Variants in TTC28 observed in about 807,000 individuals in gnomAD.
TTC28 encodes the protein tetratricopeptide repeat protein 28.
In TTC28, 61 loss-of-function variants were observed where a neutral mutation model predicts 198.0. The observed-to-expected ratio is 0.31, with a 90% confidence interval of 0.25 to 0.38. The LOEUF is 0.38. Ranked by LOEUF, TTC28 falls within the 10% of genes least tolerant of loss-of-function variation. The pLI, the probability that TTC28 is intolerant of heterozygous loss-of-function variation, is 1.00. For synonymous variants in TTC28, 1,171 were observed against 1,297.8 expected (o/e 0.90, Z 2.10); for missense variants, 2,678 against 3,164.0 (o/e 0.85, Z 3.69).
At chr22:28,149,138 T>C (rs1165226001) in intron 6 of TTC28, among the ~76,000 whole-genome samples, 1 of 152,230 alleles carries the variant, frequency 6.6e-6, no homozygotes, top group Non-Finnish European at 1.5e-5. Context: ...CTATTGTTCC[T>C]AGGCTACAAA....
chr22:28,522,010 A>G (rs2048918013), intron 2 of TTC28, among the ~76,000 whole-genome samples: 1 of 152,226 alleles, frequency 6.6e-6, no homozygotes, highest in Non-Finnish European at 1.5e-5. Flanking sequence ...ACTTCTCTAG[A>G]AGATAACACT....
chr22:28,256,266 A>G lies in TTC28; in HGVS notation c.933+39932T>C, dbSNP rs1930910797. Among the ~76,000 whole-genome samples the G allele has an allele frequency of 2.0e-5, 3 of 152,020 alleles. No individual in the cohort carries two copies. The South Asian group carries it at 6.2e-4, about 32-fold the overall frequency. On this transcript the variant is annotated intron_variant, in intron 5 of 22. Transcript: ENST00000397906. ...GCGAAACCCCGTCTCTACTAAAGAT[A>G]CAAAAATTAGCTGGGTGTGGTGGCA...
chr22:28,190,648 C>CG (rs1256904196), intron 5 of TTC28, among the ~76,000 whole-genome samples: 1 of 152,170 alleles, frequency 6.6e-6, no homozygotes, highest in Non-Finnish European at 1.5e-5. Context: ...AATAAAGTAA[C>CG]AACAGATCTG....
intron 2 of TTC28, among the ~76,000 whole-genome samples, chr22:28,414,019 G>C (rs1420936259): frequency 2.0e-5 from 3 of 152,172 alleles, no homozygotes; most frequent in African/African-American, 7.2e-5. Context: ...ATGAAACCTA[G>C]ACACATGTCA....
intron 2 of TTC28, among the ~76,000 whole-genome samples, chr22:28,563,821 C>T (rs888803170): frequency 1.3e-5 from 2 of 152,052 alleles, no homozygotes; most frequent in Non-Finnish European, 2.9e-5. Context: ...AAGTGAAACT[C>T]AAACAAATAC....
intron 2 of TTC28, among the ~76,000 whole-genome samples, chr22:28,448,381 T>C (rs2047732173): frequency 6.6e-6 from 1 of 152,338 alleles, no homozygotes; most frequent in Middle Eastern, 3.4e-3. Context: ...GTATCTGACA[T>C]TGATCAAAGG....
intron 5 of TTC28, among the ~76,000 whole-genome samples, chr22:28,289,903 A>C (rs1452588594): frequency 6.6e-6 from 1 of 152,114 alleles, no homozygotes; most frequent in Non-Finnish European, 1.5e-5. Flanking sequence ...GCGCACCTGT[A>C]ATCCCAGCTA....
intron 12 of TTC28, among the ~76,000 whole-genome samples, chr22:28,061,797 A>G (rs750818655): frequency 6.6e-6 from 1 of 152,170 alleles, no homozygotes; most frequent in Admixed American, 6.5e-5. Flanking sequence ...GAATCTATAA[A>G]TTACCTTGGG....
At chr22:28,558,904 G>A (rs1014840232) in intron 2 of TTC28, among the ~76,000 whole-genome samples, 6 of 151,102 alleles carry the variant, frequency 4.0e-5, no homozygotes, top group Non-Finnish European at 8.9e-5. Context: ...GTATGGTGGC[G>A]GGCACCTGTA....
intron 6 of TTC28, among the ~76,000 whole-genome samples, chr22:28,160,606 A>G (rs1396622739): frequency 6.6e-6 from 1 of 152,136 alleles, no homozygotes; most frequent in Non-Finnish European, 1.5e-5. Context: ...AGGGAACACA[A>G]TTTATACACA....
At chr22:28,323,262 T>G (rs1329502141) in intron 2 of TTC28, among the ~76,000 whole-genome samples, 2 of 152,024 alleles carry the variant, frequency 1.3e-5, no homozygotes, top group African/African-American at 4.8e-5. Flanking sequence ...CTCACCAAAT[T>G]AACTAAACAA....
chr22:28,178,346 A>G (rs1383129093), intron 5 of TTC28, among the ~76,000 whole-genome samples: 4 of 151,892 alleles, frequency 2.6e-5, no homozygotes, highest in Admixed American at 1.3e-4. Context: ...ACATGCCTGT[A>G]ATCCCAGCTA....
rs753409197 is a variant in TTC28 at position 28,297,899 on chromosome 22, T to C, written c.530-47A>G. 5 of 1,530,910 alleles carry C rather than the reference T, an allele frequency of 3.3e-6. No individual in the cohort carries two copies. In the South Asian group the frequency reaches 4.8e-5, roughly 15 times the overall value. The allele number at this position is 1,530,910 out of a possible 1,614,324, so 94.8% of individuals were successfully genotyped here. A position where few individuals can be genotyped will look rare whatever the true frequency, so the allele number is the denominator to read the frequency against. On this transcript the variant is annotated intron_variant, in intron 3 of 22. Transcript: ENST00000397906. ...AGCAACATAACAGGAGAATGTAGGATGATACAAAAACAATCTTTTCTAATA... is the reference window on the plus strand; with the variant it reads ...AGCAACATAACAGGAGAATGTAGGACGATACAAAAACAATCTTTTCTAATA...
intron 2 of TTC28, among the ~76,000 whole-genome samples, chr22:28,560,360 C>T (rs2049848877): frequency 6.6e-6 from 1 of 152,154 alleles, no homozygotes; most frequent in Non-Finnish European, 1.5e-5. Flanking sequence ...CCAGAATGAC[C>T]TTTCCAAAAC....
intron 11 of TTC28, among the ~76,000 whole-genome samples, chr22:28,095,197 A>G (rs1281934090): frequency 6.6e-6 from 1 of 152,190 alleles, no homozygotes; most frequent in Non-Finnish European, 1.5e-5. Flanking sequence ...AAAAATCACA[A>G]TTTAAAACCT....
intron 2 of TTC28, among the ~76,000 whole-genome samples, chr22:28,599,934 T>C (rs914413905): frequency 1.4e-4 from 21 of 152,182 alleles, no homozygotes; most frequent in Admixed American, 1.2e-3. Context: ...CAAAAAAATA[T>C]GGGTCATCAG....
chr22:28,101,314 G>C, intron 8 of TTC28, 34 bp from the exon 9 acceptor site: 1 of 1,498,054 alleles, frequency 6.7e-7, no homozygotes, highest in East Asian at 2.5e-5. Flanking sequence ...AGGAAACATA[G>C]AAGATGGATA....
chr22:28,436,858 A>G (rs1036072812), intron 2 of TTC28, among the ~76,000 whole-genome samples: 14 of 152,176 alleles, frequency 9.2e-5, no homozygotes, highest in African/African-American at 3.4e-4. Flanking sequence ...TCATGCTACA[A>G]CCTATACTAC....
intron 5 of TTC28, among the ~76,000 whole-genome samples, chr22:28,167,394 C>T (rs79972145): frequency 1.3e-5 from 2 of 152,168 alleles, no homozygotes; most frequent in East Asian, 1.9e-4. Context: ...ACCAATATCC[C>T]TGATGAACAT....
Sources: allele counts gnomAD v4.1 joint callset (sites outside exome capture counted in the v4.1 genomes callset), GRCh38; gene constraint gnomAD v4.1.1; transcripts MANE v1.5; gene names NCBI Gene and HGNC (gene_info 2026-07-23, HGNC 2026-07-21).